Variants in NOS1AP observed in about 807,000 individuals in gnomAD.
The protein encoded by NOS1AP is carboxyl-terminal PDZ ligand of neuronal nitric oxide synthase protein.
NOS1AP carries 21 observed loss-of-function variants against 56.2 expected under a neutral mutation model. The observed-to-expected ratio is 0.37, with a 90% CI of 0.26 to 0.54. The LOEUF (loss-of-function observed/expected upper bound fraction) is 0.54, where lower values mean the gene tolerates loss of function less well. Among genes scored for constraint, NOS1AP ranks in the 20% least tolerant of loss-of-function variants. NOS1AP has a pLI of 0.84. For missense variants in NOS1AP, 522 were observed against 657.8 expected, an observed-to-expected ratio of 0.79 and a Z score of 2.26; for synonymous variants, 270 against 274.6, an observed-to-expected ratio of 0.98 and a Z score of 0.17.
At chr1:162,173,568 T>C (rs936571908) in intron 2 of NOS1AP, among the ~76,000 whole-genome samples, 3 of 151,996 alleles carry the variant, frequency 2.0e-5, no homozygotes, top group Non-Finnish European at 4.4e-5. Context: ...AATTGACAAA[T>C]GGGATCCAAT....
At chr1:162,165,788 G>A (rs1571085680) in intron 2 of NOS1AP, among the ~76,000 whole-genome samples, 1 of 152,276 alleles carries the variant, frequency 6.6e-6, no homozygotes, top group East Asian at 1.9e-4. Context: ...GTCACTAGAT[G>A]TAAATAAGGC....
At chr1:162,296,190 G>A (rs1218139436) in intron 3 of NOS1AP, among the ~76,000 whole-genome samples, 1 of 152,194 alleles carries the variant, frequency 6.6e-6, no homozygotes, top group Non-Finnish European at 1.5e-5. Flanking sequence ...AGGAGACTGA[G>A]GCAGGAGAAT....
intron 8 of NOS1AP, among the ~76,000 whole-genome samples, chr1:162,361,093 G>A (rs1002169653): frequency 2.0e-5 from 3 of 152,150 alleles, no homozygotes; most frequent in Non-Finnish European, 4.4e-5. Context: ...CCTGGCACTC[G>A]GGACGTGGCC....
At position 162,082,058 on chromosome 1, in the gene NOS1AP, C is replaced by A. The variant is rs142924597; in HGVS notation, c.105+11776C>A. Among the ~76,000 whole-genome samples the A allele has an allele frequency of 2.1e-4, 32 of 152,000 alleles. 1 individual carries two copies. Among genetic ancestry groups the A allele is most frequent in the African/African-American group, 6.3e-4 (26 of 41,446 alleles). On this transcript the variant is annotated intron_variant, in intron 1 of 9. Coordinates refer to ENST00000361897, the MANE Select transcript of NOS1AP (RefSeq NM_014697.3). ...TCAGGTATTAAACCTAGGACTCATT[C>A]GTTCTTTTTCCTGATCCTCTCCCTC...
At chr1:162,089,114 A>C (rs1056606703) in intron 1 of NOS1AP, among the ~76,000 whole-genome samples, 4 of 152,124 alleles carry the variant, frequency 2.6e-5, no homozygotes, top group African/African-American at 7.2e-5. Context: ...ATTTTTATTG[A>C]GTTGGCCATT....
At chr1:162,250,924 G>A (rs1653828266) in intron 2 of NOS1AP, among the ~76,000 whole-genome samples, 1 of 152,038 alleles carries the variant, frequency 6.6e-6, no homozygotes, top group Non-Finnish European at 1.5e-5. Flanking sequence ...AAGCATACTG[G>A]AACTTTGACT....
chr1:162,342,026 G>T (rs1279287522), intron 5 of NOS1AP, among the ~76,000 whole-genome samples: 2 of 152,194 alleles, frequency 1.3e-5, no homozygotes, highest in Non-Finnish European at 2.9e-5. Flanking sequence ...GAACAGTCAT[G>T]TCTTACACAC....
chr1:162,321,821 C>T (rs1656431977), intron 4 of NOS1AP, among the ~76,000 whole-genome samples: 7 of 151,162 alleles, frequency 4.6e-5, no homozygotes. Context: ...AAACCAAAGA[C>T]TGCATGTTCC....
At chr1:162,273,312 C>T (rs991158291) in intron 2 of NOS1AP, among the ~76,000 whole-genome samples, 4 of 151,870 alleles carry the variant, frequency 2.6e-5, no homozygotes, top group Non-Finnish European at 4.4e-5. Flanking sequence ...TACAGGCGCC[C>T]GCCACCACAC....
At chr1:162,174,988 T>C (rs549560917) in intron 2 of NOS1AP, among the ~76,000 whole-genome samples, 3 of 152,346 alleles carry the variant, frequency 2.0e-5, no homozygotes, top group African/African-American at 7.2e-5. Context: ...ATGGTTAATA[T>C]GTTTTTGGGA....
At chr1:162,201,769 T>C (rs964065145) in intron 2 of NOS1AP, among the ~76,000 whole-genome samples, 1 of 152,254 alleles carries the variant, frequency 6.6e-6, no homozygotes, top group Non-Finnish European at 1.5e-5. Flanking sequence ...TGTCTGTTCA[T>C]GTCCTTTGCC....
At chr1:162,099,813 T>A (rs1692338652) in intron 1 of NOS1AP, among the ~76,000 whole-genome samples, 1 of 151,784 alleles carries the variant, frequency 6.6e-6, no homozygotes, top group Non-Finnish European at 1.5e-5. Context: ...CTCCGATGTG[T>A]GATGTTCCCC....
intron 2 of NOS1AP, among the ~76,000 whole-genome samples, chr1:162,176,426 G>A (rs567322698): frequency 1.3e-5 from 2 of 150,248 alleles, no homozygotes; most frequent in South Asian, 2.1e-4. Flanking sequence ...CATAGAAAAT[G>A]TAGCCTTTTC....
chr1:162,226,331 C>A (rs1210880869), intron 2 of NOS1AP, among the ~76,000 whole-genome samples: 3 of 152,090 alleles, frequency 2.0e-5, no homozygotes, highest in African/African-American at 7.2e-5. Flanking sequence ...TGGTGCTAGG[C>A]CCTGGGGATT....
chr1:162,169,558 G>A (rs763234457), intron 2 of NOS1AP, among the ~76,000 whole-genome samples: 1 of 152,172 alleles, frequency 6.6e-6, no homozygotes, highest in Non-Finnish European at 1.5e-5. Context: ...CTCTGGAGAG[G>A]CGTTTCTCCT....
chr1:162,115,630 G>A (rs924832510), intron 1 of NOS1AP, among the ~76,000 whole-genome samples: 2 of 152,136 alleles, frequency 1.3e-5, no homozygotes, highest in African/African-American at 4.8e-5. Context: ...GACCCACTGA[G>A]TCCAATGTGC....
intron 2 of NOS1AP, among the ~76,000 whole-genome samples, chr1:162,221,534 GCA>G (rs35920520): frequency 0.087 from 6,404 of 73,310 alleles, 233 homozygotes; most frequent in East Asian, 0.13. Context: ...ACACACGCGC[GCA>G]CACACACACA....
chr1:162,341,156 G>T (rs745722646), intron 5 of NOS1AP, among the ~76,000 whole-genome samples: 2 of 152,154 alleles, frequency 1.3e-5, no homozygotes, highest in African/African-American at 4.8e-5. Context: ...CCATAGATCA[G>T]GGACATTTGT....
chr1:162,224,580 C>T (rs1048375401), intron 2 of NOS1AP, among the ~76,000 whole-genome samples: 1 of 152,122 alleles, frequency 6.6e-6, no homozygotes, highest in Non-Finnish European at 1.5e-5. Flanking sequence ...AGCTGTGGCA[C>T]TAAGAGCAAT....
Sources: allele counts gnomAD v4.1 joint callset (sites outside exome capture counted in the v4.1 genomes callset), GRCh38; gene constraint gnomAD v4.1.1; transcripts MANE v1.5; gene names NCBI Gene and HGNC (gene_info 2026-07-23, HGNC 2026-07-21).